The following DIP2A variants were observed in gnomAD, a reference collection of about 807,000 sequenced individuals.
The protein encoded by DIP2A is disco-interacting protein 2 homolog A.
Under a neutral mutation model 177.4 loss-of-function variants are expected in DIP2A, and 85 were observed. That is an observed-to-expected ratio of 0.48 (90% CI 0.40 to 0.57). The LOEUF (loss-of-function observed/expected upper bound fraction) is 0.57. Among genes scored for constraint, DIP2A ranks in the 20% least tolerant of loss-of-function variants. The pLI is 0.00. For synonymous variants in DIP2A, 886 were observed against 881.8 expected, an observed-to-expected ratio of 1.00 and a Z score of -0.08; for missense variants, 1,791 against 2,100.2, an observed-to-expected ratio of 0.85 and a Z score of 2.88.
chr21:46,503,622 TTC>T (rs2057798740), intron 5 of DIP2A, among the ~76,000 whole-genome samples: 2 of 139,726 alleles, frequency 1.4e-5, no homozygotes, highest in South Asian at 2.3e-4. Flanking sequence ...CTTTCTTTCT[TTC>T]TTTCTTTCTT....
Position 46,498,856 on chromosome 21 carries a change from C to A in DIP2A, c.655+23C>A. The A allele has an allele frequency of 6.3e-7, 1 of 1,595,212 alleles. No individual in the cohort carries two copies. The highest frequency in any genetic ancestry group is 1.1e-5 in the South Asian group (1 of 88,712). ...TAGGTCAGTAATAAGCTGCTGCGGCCCCTGTGCCAGCAGAGCGGGGTCAGG... is the reference window on the plus strand; with the variant it reads ...TAGGTCAGTAATAAGCTGCTGCGGCACCTGTGCCAGCAGAGCGGGGTCAGG... On this transcript the variant is annotated intron_variant, in intron 5 of 37. Transcript: ENST00000417564. This position sits in a 1 kb window ranked among gnomAD's most constrained non-coding sequence, Gnocchi z 4.3.
At chr21:46,583,347 A>C in the DIP2A span, among the ~76,000 whole-genome samples, 1 of 152,238 alleles carries the variant, frequency 6.6e-6, no homozygotes, top group South Asian at 2.1e-4. Context: ...ATAACATTAT[A>C]AACAACTAGA....
intron 1 of DIP2A, among the ~76,000 whole-genome samples, chr21:46,480,861 T>C (rs557493169): frequency 2.6e-5 from 4 of 152,316 alleles, no homozygotes; most frequent in African/African-American, 9.6e-5. Flanking sequence ...CATTGTGTCA[T>C]GCCCTGTTGG....
At chr21:46,494,677 C>G (rs2057206826) in intron 3 of DIP2A, among the ~76,000 whole-genome samples, 1 of 152,218 alleles carries the variant, frequency 6.6e-6, no homozygotes, top group Non-Finnish European at 1.5e-5. Context: ...TCACTGGCCT[C>G]CTCCAATGGC....
Position 46,556,384 on chromosome 21 carries a change from C to A in DIP2A, c.3498+293C>A, listed in dbSNP as rs1044365154. 6.5e-6 allele frequency: 9 copies of A among 1,379,788 alleles called. No individual in the cohort carries two copies. Among genetic ancestry groups the A allele is most frequent in the Non-Finnish European group, 8.7e-6 (9 of 1,038,288 alleles). The allele number at this position is 1,379,788 out of a possible 1,614,324, so 85.5% of individuals were successfully genotyped here. A position where few individuals can be genotyped will look rare whatever the true frequency, so the allele number is the denominator to read the frequency against. ...CTCTTACCTTGCTGGGAGTCAATAG[C>A]TCAATTAAAATTTTTCAGGCGGGGC... is the stretch of plus-strand genomic sequence containing the variant. On this transcript the variant is annotated intron_variant, in intron 29 of 37. Coordinates refer to ENST00000417564, the MANE Select transcript of DIP2A (RefSeq NM_015151.4). The surrounding 1 kb of genome is among the most constrained non-coding windows in gnomAD (Gnocchi z 4.5).
intron 1 of DIP2A, among the ~76,000 whole-genome samples, chr21:46,474,910 C>T (rs2055709863): frequency 6.6e-6 from 1 of 152,198 alleles, no homozygotes; most frequent in African/African-American, 2.4e-5. Flanking sequence ...ATGTACAGTG[C>T]ATCCTCTGAA....
chr21:46,466,474 G>T (rs773525530), intron 1 of DIP2A, among the ~76,000 whole-genome samples: 2 of 149,652 alleles, frequency 1.3e-5, no homozygotes, highest in Non-Finnish European at 3.0e-5. Flanking sequence ...TCAGCCTCCT[G>T]AGTAGCTGGG....
At chr21:46,577,782 ATTTG>A in the DIP2A span, among the ~76,000 whole-genome samples, 3 of 152,004 alleles carry the variant, frequency 2.0e-5, no homozygotes, top group Non-Finnish European at 2.9e-5. Flanking sequence ...ATGTTTTTCC[ATTTG>A]TTTGTGTCTT....
chr21:46,555,871 C>T (rs1255892067), intron 28 of DIP2A, 111 bp from the exon 29 acceptor site: 1 of 823,758 alleles, frequency 1.2e-6, no homozygotes, highest in African/African-American at 1.7e-5. Context: ...TGAGCTCACT[C>T]TCTGCAGGAC....
rs1464518717 is a variant in DIP2A at position 46,557,681 on chromosome 21, C to T, written c.3726C>T (p.Arg1242=). Residue 1242 remains arginine (R), a synonymous_variant, in exon 31 of 38, where the codon CGC becomes CGT. Transcript: ENST00000417564. The surrounding 1 kb of genome is among the most constrained non-coding windows in gnomAD (Gnocchi z 6.0). ...WLSAVSQYKA[R]VTFCSYSVME... Reference sequence around the variant, plus strand: ...CGGCCGTCAGCCAGTACAAGGCCCGCGTCACCTTCTGCTCCTACTCTGTGA... The same window carrying T: ...CGGCCGTCAGCCAGTACAAGGCCCGTGTCACCTTCTGCTCCTACTCTGTGA... The T allele has an allele frequency of 1.4e-5, 23 of 1,613,504 alleles. No homozygotes were observed. The highest frequency in any genetic ancestry group is 1.2e-4 in the South Asian group (11 of 91,050).
Position 46,551,499 on chromosome 21 carries a change from G to C in DIP2A, c.2840-135G>C. 1.1e-5 allele frequency: 8 copies of C among 746,856 alleles called. No homozygotes were observed. The South Asian group carries it at 1.5e-4, about 14-fold the overall frequency. The allele number at this position is 746,856 out of a possible 1,614,324, so 46.3% of individuals were successfully genotyped here. ...GCATAAACCTTGTAGCTAGCTTTCTGAATATTTGTATCTCAGTAGAAGAGT... is the reference window on the plus strand; with the variant it reads ...GCATAAACCTTGTAGCTAGCTTTCTCAATATTTGTATCTCAGTAGAAGAGT... On this transcript the variant is annotated intron_variant, in intron 23 of 37. Coordinates refer to ENST00000417564, the MANE Select transcript of DIP2A (RefSeq NM_015151.4).
chr21:46,484,552 A>G (rs1033827781), intron 1 of DIP2A, among the ~76,000 whole-genome samples: 4 of 152,190 alleles, frequency 2.6e-5, no homozygotes, highest in Non-Finnish European at 5.9e-5. Context: ...TGTGAGATCT[A>G]TCCAAATTGC....
At chr21:46,559,476 A>G (rs933216744) in intron 32 of DIP2A, among the ~76,000 whole-genome samples, 3 of 152,206 alleles carry the variant, frequency 2.0e-5, no homozygotes, top group African/African-American at 4.8e-5. Context: ...CTTCACCACA[A>G]AAAGACCCCT....
intron 1 of DIP2A, among the ~76,000 whole-genome samples, chr21:46,477,546 T>TGTGTGTGTGTGTGA (rs2055977916): frequency 7.7e-6 from 1 of 129,398 alleles, no homozygotes; most frequent in Admixed American, 7.8e-5. Flanking sequence ...AAAAGATTTG[T>TGTGTGTGTGTGTGA]GTGTGTGTGT....
At chr21:46,462,936 G>A (rs781236133) in intron 1 of DIP2A, 2 of 152,266 alleles carry the variant, frequency 1.3e-5, no homozygotes, top group African/African-American at 4.8e-5. Context: ...GAAGGTTCTG[G>A]TAGAATGCTA....
Position 46,481,763 on chromosome 21 carries a change from C to A in DIP2A, c.92-2994C>A, listed in dbSNP as rs531055809. On this transcript the variant is annotated intron_variant, in intron 1 of 37. Coordinates refer to ENST00000417564, the MANE Select transcript of DIP2A (RefSeq NM_015151.4). ...AGCAGAAAAAACAATAGGAAAAAAT[C>A]AGTGGGGCCAGGTGCAGTGGCTCAC... Among the ~76,000 whole-genome samples the A allele has an allele frequency of 4.6e-5, 7 of 152,192 alleles. No homozygotes were observed. The South Asian group carries it at 1.5e-3, about 32-fold the overall frequency.
chr21:46,567,020 A>G (rs1440779279), intron 37 of DIP2A, among the ~76,000 whole-genome samples: 2 of 152,204 alleles, frequency 1.3e-5, no homozygotes, highest in African/African-American at 4.8e-5. Flanking sequence ...TTGTCCCCAA[A>G]TGCACAGGCA....
intron 13 of DIP2A, among the ~76,000 whole-genome samples, chr21:46,536,496 G>T (rs1470332578): frequency 1.3e-5 from 2 of 152,248 alleles, no homozygotes; most frequent in Non-Finnish European, 2.9e-5. Flanking sequence ...CGGCCTCTGG[G>T]TGTGAGAATT....
chr21:46,556,052 CT>C lies in DIP2A; in HGVS notation c.3461del (p.Phe1154SerfsTer9). The C allele has an allele frequency of 6.2e-7, 1 of 1,613,994 alleles. No homozygotes were observed. Among genetic ancestry groups the C allele is most frequent in the Non-Finnish European group, 8.5e-7 (1 of 1,179,878 alleles). On this transcript the variant is annotated frameshift_variant, in exon 29 of 38. Coordinates refer to ENST00000417564, the MANE Select transcript of DIP2A (RefSeq NM_015151.4). LOFTEE classifies it high-confidence loss of function. The surrounding 1 kb of genome is among the most constrained non-coding windows in gnomAD (Gnocchi z 4.5). ...PSPDVLAYLD[F>X]SVSTTGILAG... ...CCCCCGATGTCCTCGCATACTTGGA[CT>C]TCAGCGTGTCAACCACTGGGATATT... is the stretch of plus-strand genomic sequence containing the variant.
Sources: gnomAD v4.1 joint callset for allele counts (sites outside exome capture counted in the v4.1 genomes callset) on GRCh38, gnomAD v4.1.1 for gene constraint, Gnocchi (gnomAD v3.1) non-coding constraint, MANE v1.5 for transcripts, NCBI Gene and HGNC (gene_info 2026-07-23, HGNC 2026-07-21) for gene names.